The following TRIM5 variants were observed in gnomAD, a reference collection of about 807,000 sequenced individuals.
TRIM5 encodes the protein tripartite motif-containing protein 5.
Under a neutral mutation model 35.6 loss-of-function variants are expected in TRIM5, and 31 were observed. The ratio of observed to expected loss-of-function variants is 0.87; its 90% CI spans 0.65 to 1.18. TRIM5 has a LOEUF of 1.18. Among genes scored for constraint, TRIM5 ranks in the 50% most tolerant of loss-of-function variants. The probability of loss-of-function intolerance (pLI) is 0.00; values close to 1 mark genes in which losing one functional copy is unlikely to be tolerated. For missense variants in TRIM5, 609 were observed against 591.6 expected, an observed-to-expected ratio of 1.03 and a Z score of -0.31; for synonymous variants, 243 against 215.6, an observed-to-expected ratio of 1.13 and a Z score of -1.11.
the TRIM5 span, among the ~76,000 whole-genome samples, chr11:5,607,671 C>G: frequency 6.6e-6 from 1 of 152,088 alleles, no homozygotes; most frequent in African/African-American, 2.4e-5. Flanking sequence ...GATAGGATGC[C>G]AGGGTGAATA....
At chr11:5,632,437 C>T in the TRIM5 span, 8 of 1,613,814 alleles carry the variant, frequency 5.0e-6, no homozygotes, top group East Asian at 4.5e-5. Flanking sequence ...CAGCCTCTGC[C>T]GAGCCTGCAT....
downstream of TRIM5, among the ~76,000 whole-genome samples, chr11:5,659,734 C>G (rs931543572): frequency 6.7e-6 from 1 of 149,796 alleles, no homozygotes; most frequent in Admixed American, 6.6e-5. Context: ...GTTCTGGATT[C>G]TGTATAATTC....
At chr11:5,596,741 G>A in the TRIM5 span, 1 of 1,158,090 alleles carries the variant, frequency 8.6e-7, no homozygotes, top group Non-Finnish European at 1.2e-6. Flanking sequence ...TTCTCGGAAC[G>A]GAACGGAGCA....
rs377311202 is a variant in TRIM5 at position 5,667,715 on chromosome 11, G to A, written c.745-4C>T. ...TTTTTATGACGCCATCCACACCCTAGGAAGAAGAGAGAAAACATCAATTAA... is the reference window on the plus strand; with the variant it reads ...TTTTTATGACGCCATCCACACCCTAAGAAGAAGAGAGAAAACATCAATTAA... On this transcript the variant is annotated splice_region_variant and splice_polypyrimidine_tract_variant and intron_variant, in intron 4 of 7. Coordinates refer to ENST00000380034, the MANE Select transcript of TRIM5 (RefSeq NM_033034.3). 1 of 1,613,008 alleles carries A rather than the reference G, an allele frequency of 6.2e-7. No individual in the cohort carries two copies. The highest frequency in any genetic ancestry group is 8.5e-7 in the Non-Finnish European group (1 of 1,179,740).
the TRIM5 span, among the ~76,000 whole-genome samples, chr11:5,648,282 G>A: frequency 5.3e-5 from 8 of 151,978 alleles, no homozygotes; most frequent in Non-Finnish European, 8.8e-5. Context: ...CAAGGCAGGT[G>A]GATCACGAGG....
chr11:5,634,429 A>T, the TRIM5 span, among the ~76,000 whole-genome samples: 1 of 150,258 alleles, frequency 6.7e-6, no homozygotes, highest in Non-Finnish European at 1.5e-5. Context: ...TGCTGATTTG[A>T]ACTCCCTGAA....
At chr11:5,648,850 T>G in the TRIM5 span, among the ~76,000 whole-genome samples, 1 of 152,254 alleles carries the variant, frequency 6.6e-6, no homozygotes, top group Non-Finnish European at 1.5e-5. Flanking sequence ...AGTGTTTCTT[T>G]GATTTATTCA....
chr11:5,657,985 G>A, the TRIM5 span, among the ~76,000 whole-genome samples: 1 of 151,350 alleles, frequency 6.6e-6, no homozygotes, highest in South Asian at 2.1e-4. Context: ...TATATGAGAG[G>A]GGTGCAGGGA....
intron 4 of TRIM5, among the ~76,000 whole-genome samples, chr11:5,672,800 C>G (rs915736694): frequency 1.3e-5 from 2 of 151,938 alleles, no homozygotes; most frequent in Non-Finnish European, 2.9e-5. Flanking sequence ...GAAAATGAAG[C>G]AATATTGAAG....
At chr11:5,639,136 C>A in the TRIM5 span, among the ~76,000 whole-genome samples, 766 of 152,154 alleles carry the variant, frequency 5.0e-3, 4 homozygotes, top group African/African-American at 0.018. Context: ...ATGAGAAAAC[C>A]CAGGCAGGGT....
At chr11:5,606,454 T>C in the TRIM5 span, among the ~76,000 whole-genome samples, 5 of 152,182 alleles carry the variant, frequency 3.3e-5, no homozygotes, top group Admixed American at 3.3e-4. Flanking sequence ...GTGTAAGATA[T>C]TCTTTATATT....
intron 1 of TRIM5, among the ~76,000 whole-genome samples, chr11:5,681,029 G>A (rs1305247818): frequency 6.6e-6 from 1 of 152,182 alleles, no homozygotes; most frequent in Non-Finnish European, 1.5e-5. Flanking sequence ...CAGCTGGGAG[G>A]TTCTGAGGAG....
the TRIM5 span, among the ~76,000 whole-genome samples, chr11:5,647,946 A>AC: frequency 1.3e-5 from 2 of 151,990 alleles, no homozygotes; most frequent in Non-Finnish European, 2.9e-5. Flanking sequence ...GTGACTCTCC[A>AC]CCACCCAAAT....
chr11:5,672,425 G>A (rs1253686194), intron 4 of TRIM5, among the ~76,000 whole-genome samples: 1 of 152,006 alleles, frequency 6.6e-6, no homozygotes, highest in Non-Finnish European at 1.5e-5. Context: ...TTGGCCAGCT[G>A]GTCTTGAACT....
In TRIM5 at chr11:5,667,721, A is replaced by G. The variant is rs1352800837; in HGVS notation, c.745-10T>C. On this transcript the variant is annotated splice_polypyrimidine_tract_variant and intron_variant, in intron 4 of 7. Coordinates refer to ENST00000380034, the MANE Select transcript of TRIM5 (RefSeq NM_033034.3). ...TGACGCCATCCACACCCTAGGAAGA[A>G]GAGAGAAAACATCAATTAAGAAAGA... 1 of 1,613,226 alleles carries G rather than the reference A, an allele frequency of 6.2e-7. No individual in the cohort carries two copies. The highest frequency in any genetic ancestry group is 8.5e-7 in the Non-Finnish European group (1 of 1,179,770).
At chr11:5,611,704 C>T in the TRIM5 span, 19 of 220,420 alleles carry the variant, frequency 8.6e-5, no homozygotes, top group Middle Eastern at 3.9e-3. Context: ...CCACCCGCCT[C>T]GGTCTCCCAA....
At chr11:5,642,348 G>T in the TRIM5 span, 1 of 1,483,868 alleles carries the variant, frequency 6.7e-7, no homozygotes, top group South Asian at 1.2e-5. Flanking sequence ...CCAGTGATGT[G>T]GGAGGGATGG....
At chr11:5,652,092 G>T in the TRIM5 span, among the ~76,000 whole-genome samples, 54 of 152,138 alleles carry the variant, frequency 3.5e-4, no homozygotes, top group East Asian at 6.6e-3. Flanking sequence ...CCATTTTGTA[G>T]GTTGTGTATT....
At chr11:5,635,107 A>T in the TRIM5 span, among the ~76,000 whole-genome samples, 1 of 152,212 alleles carries the variant, frequency 6.6e-6, no homozygotes, top group African/African-American at 2.4e-5. Context: ...TATGTGATCT[A>T]GTGTCAAGCA....
Sources: allele counts gnomAD v4.1 joint callset (sites outside exome capture counted in the v4.1 genomes callset), GRCh38; gene constraint gnomAD v4.1.1; transcripts MANE v1.5; gene names NCBI Gene and HGNC (gene_info 2026-07-23, HGNC 2026-07-21).